PPP1R12C: variants seen among roughly 807,000 people sequenced by gnomAD.
PPP1R12C encodes protein phosphatase 1 regulatory subunit 12C, also known as leukocyte receptor cluster (LRC) encoded novel gene 3.
PPP1R12C carries 48 observed loss-of-function variants against 95.6 expected under a neutral mutation model. The observed-to-expected ratio is 0.50, with a 90% CI of 0.40 to 0.64. PPP1R12C has a LOEUF of 0.64. Ranked by LOEUF, PPP1R12C falls within the 30% of genes least tolerant of loss-of-function variation. The pLI is 0.00. For missense variants in PPP1R12C, 1,057 were observed against 1,083.3 expected (o/e 0.98, Z 0.34); for synonymous variants, 480 against 460.8 (o/e 1.04, Z -0.53).
rs759592134 is a variant in PPP1R12C at position 55,092,519 on chromosome 19, G to C, written c.1978C>G (p.Arg660Gly). Residue 660 changes from arginine (R) to glycine (G), a missense_variant, in exon 18 of 22, where the codon CGC (arginine) becomes GGC (glycine). By Grantham distance (125) the Arg-to-Gly change is moderately radical (BLOSUM62 -2). This residue lies in a region of PPP1R12C where 347 missense variants were observed against 307.9 expected (regional missense o/e 1.13). Coordinates refer to ENST00000263433, the MANE Select transcript of PPP1R12C (RefSeq NM_017607.4). ...AGGTCCCGCTGCCACCGCTGCCTGC[G>C]GGCCGAGGGGCCGCCCTCCAGGGTG... ...SSTLEGGPSA[R>G]RQRWQRDLNP... The C allele has an allele frequency of 3.1e-6, 5 of 1,606,876 alleles. No homozygotes were observed. The highest frequency in any genetic ancestry group is 4.2e-6 in the Non-Finnish European group (5 of 1,177,304).
chr19:55,112,312 C>T, intron 3 of PPP1R12C, 155 bp downstream of exon 3: 1 of 670,962 alleles, frequency 1.5e-6, no homozygotes, highest in Non-Finnish European at 2.5e-6. Flanking sequence ...GGCCCCTACA[C>T]CCCCATTTCA....
intron 1 of PPP1R12C, chr19:55,113,540 G>T: frequency 7.3e-7 from 1 of 1,369,460 alleles, no homozygotes; most frequent in East Asian, 3.0e-5. Context: ...GAAGTCCAGG[G>T]GGTCGGAGGA....
chr19:55,100,559 AT>A (rs2084969207), intron 4 of PPP1R12C, among the ~76,000 whole-genome samples: 2 of 152,268 alleles, frequency 1.3e-5, no homozygotes. Flanking sequence ...TCGAATGAGT[AT>A]CATCAAATAA....
intron 6 of PPP1R12C, chr19:55,096,987 G>A (rs1201085263): frequency 2.7e-4 from 37 of 134,912 alleles, no homozygotes; most frequent in African/African-American, 1.8e-3. Context: ...GTTCACCACC[G>A]TCTTCGCCCC....
intron 3 of PPP1R12C, among the ~76,000 whole-genome samples, 186 bp from the exon 4 acceptor site, chr19:55,103,754 G>A (rs2085003689): frequency 6.6e-6 from 1 of 152,092 alleles, no homozygotes; most frequent in African/African-American, 2.4e-5. Context: ...GCAGTCGTGT[G>A]TCCCACTCAG....
intron 1 of PPP1R12C, 99 bp downstream of exon 1, chr19:55,117,124 C>T: frequency 1.9e-6 from 2 of 1,039,830 alleles, no homozygotes; most frequent in Non-Finnish European, 2.4e-6. Context: ...CCAGGAACGA[C>T]GGGGCGGATC....
At chr19:55,112,947 T>A in intron 1 of PPP1R12C, 152 bp from the exon 2 acceptor site, 2 of 1,111,752 alleles carry the variant, frequency 1.8e-6, no homozygotes, top group Non-Finnish European at 1.3e-6. Context: ...ACTGGCTGTT[T>A]AAGATACGCC....
chr19:55,110,152 G>T (rs2085079788), intron 3 of PPP1R12C, among the ~76,000 whole-genome samples: 1 of 152,158 alleles, frequency 6.6e-6, no homozygotes, highest in Non-Finnish European at 1.5e-5. Context: ...GGGTCCAAGG[G>T]AAAAGGAGGA....
rs1015642702 is a variant in PPP1R12C, at chr19:55,092,575, C to T, written c.1953-31G>A. ...GCAGGGGAGGAGCGCGCGTCAGGGG[C>T]CGGCCCGGCCCGCACGCAGACCCCA... On this transcript the variant is annotated intron_variant, in intron 17 of 21. Coordinates refer to ENST00000263433, the MANE Select transcript of PPP1R12C (RefSeq NM_017607.4). 5 of 1,565,464 alleles carry T rather than the reference C, an allele frequency of 3.2e-6. No individual in the cohort carries two copies. The African/African-American group carries it at 4.1e-5, about 13-fold the overall frequency.
chr19:55,097,453 G>T (rs1386476271), intron 6 of PPP1R12C, among the ~76,000 whole-genome samples: 3 of 118,864 alleles, frequency 2.5e-5, no homozygotes, highest in Non-Finnish European at 5.0e-5. Flanking sequence ...CCTTCTCCGC[G>T]CAGTTCACCA....
At chr19:55,101,195 C>G (rs565879374) in intron 4 of PPP1R12C, among the ~76,000 whole-genome samples, 1 of 152,164 alleles carries the variant, frequency 6.6e-6, no homozygotes, top group South Asian at 2.1e-4. Flanking sequence ...TTGCAGTGAG[C>G]TGAGACCGCG....
In PPP1R12C at chr19:55,091,892, A is replaced by G; in HGVS notation, c.2178T>C (p.Ala726=). The G allele has an allele frequency of 6.2e-7, 1 of 1,613,252 alleles. No homozygotes were observed. Residue 726 remains alanine (A), a synonymous_variant, in exon 20 of 22, where the codon GCT becomes GCC. Coordinates refer to ENST00000263433, the MANE Select transcript of PPP1R12C (RefSeq NM_017607.4). ...CCAGTTCCAGGAGGGCTGGCCTCTC[A>G]GCGAAGCGTTCTTGCCTCTGGTGAG... is the stretch of plus-strand genomic sequence containing the variant. ...ERATQRQERF[A]ERPALLELER...
rs2084846391 is a variant in PPP1R12C at position 55,091,915 on chromosome 19, G to A, written c.2161-6C>T. On this transcript the variant is annotated splice_polypyrimidine_tract_variant and splice_region_variant and intron_variant, in intron 19 of 21. Transcript: ENST00000263433. The stretch of plus-strand genomic sequence containing the variant: ...TCAGCGAAGCGTTCTTGCCTCTGGT[G>A]AGGACACAGAAAGCACAGGGGTCAG... 1 of 1,612,972 alleles carries A rather than the reference G, an allele frequency of 6.2e-7. No individual in the cohort carries two copies. Among genetic ancestry groups the A allele is most frequent in the Non-Finnish European group, 8.5e-7 (1 of 1,179,956 alleles).
chr19:55,092,374 G>A, intron 18 of PPP1R12C, 48 bp from the exon 19 acceptor site: 3 of 1,568,244 alleles, frequency 1.9e-6, no homozygotes, highest in Non-Finnish European at 2.6e-6. Flanking sequence ...GGCGATGCTG[G>A]GGGGGCGGGG....
chr19:55,110,593 C>T (rs1484643514), intron 3 of PPP1R12C, among the ~76,000 whole-genome samples: 1 of 152,222 alleles, frequency 6.6e-6, no homozygotes, highest in Non-Finnish European at 1.5e-5. Context: ...AACACAGTCT[C>T]AGAATGGCCG....
At position 55,095,945 on chromosome 19, in the gene PPP1R12C, G is replaced by T; in HGVS notation, c.1154-5C>A. Reference sequence around the variant, plus strand: ...TGGGTTCTGCAGGGGGTGGTTCTGTGATGTGGGAACACCGGGCAGGTCACA... The same window carrying T: ...TGGGTTCTGCAGGGGGTGGTTCTGTTATGTGGGAACACCGGGCAGGTCACA... On this transcript the variant is annotated splice_region_variant and splice_polypyrimidine_tract_variant and intron_variant, in intron 8 of 21. Coordinates refer to ENST00000263433, the MANE Select transcript of PPP1R12C (RefSeq NM_017607.4). 4 of 1,612,366 alleles carry T rather than the reference G, an allele frequency of 2.5e-6. No individual in the cohort carries two copies. The highest frequency in any genetic ancestry group is 4.5e-5 in the East Asian group (2 of 44,852).
rs1237274360 is a variant in PPP1R12C at position 55,099,109 on chromosome 19, A to T, written c.732-14T>A. 1.4e-5 allele frequency: 22 copies of T among 1,519,582 alleles called. No homozygotes were observed. The highest frequency in any genetic ancestry group is 1.9e-5 in the Non-Finnish European group (22 of 1,131,222). 94.1% of individuals were successfully genotyped at this position (1,519,582 alleles called of 1,614,324 possible). On this transcript the variant is annotated splice_polypyrimidine_tract_variant and intron_variant, in intron 4 of 21. Transcript: ENST00000263433. The stretch of plus-strand genomic sequence containing the variant: ...TGAAGGAGCAACCTGGGGGCCAGGG[A>T]GGCTCAGGGTCAGAGGCCAAGGCGG...
In PPP1R12C at chr19:55,103,303, G is replaced by C. The variant is rs372916410; in HGVS notation, c.731+106C>G. On this transcript the variant is annotated intron_variant, in intron 4 of 21. Coordinates refer to ENST00000263433, the MANE Select transcript of PPP1R12C (RefSeq NM_017607.4). ...GTGGGTACAGCTAAGGCTGTATTTA[G>C]AGGGAAATACATAGCCTTCGGTACA... 209 of 1,145,154 alleles carry C rather than the reference G, an allele frequency of 1.8e-4. No homozygotes were observed. In the African/African-American group the frequency reaches 3.0e-3, roughly 17 times the overall value. The allele number at this position is 1,145,154 out of a possible 1,614,324, so 70.9% of individuals were successfully genotyped here.
rs2085163330 is a variant in PPP1R12C at position 55,117,199 on chromosome 19, AG to A, written c.321+23del. Reference sequence around the variant, plus strand: ...AGCAGAGGGTGGACCTGGCCCCGGGAGACGCCGGGCGGGGGGCGCTGACCTG... The same window carrying A: ...AGCAGAGGGTGGACCTGGCCCCGGGAACGCCGGGCGGGGGGCGCTGACCTG... On this transcript the variant is annotated intron_variant, in intron 1 of 21. Transcript: ENST00000263433. The A allele has an allele frequency of 6.6e-6, 8 of 1,221,286 alleles. No homozygotes were observed. In the East Asian group the frequency reaches 2.6e-4, roughly 40 times the overall value. 75.7% of individuals were successfully genotyped at this position (1,221,286 alleles called of 1,614,324 possible).
Sources: gnomAD v4.1 joint callset for allele counts (sites outside exome capture counted in the v4.1 genomes callset) on GRCh38, gnomAD v4.1.1 for gene constraint, gnomAD v4.1.1 regional missense constraint, MANE v1.5 for transcripts, NCBI Gene and HGNC (gene_info 2026-07-23, HGNC 2026-07-21) for gene names.